Variants in RYR1 observed in about 807,000 individuals in gnomAD.
The protein encoded by RYR1 is central core disease of muscle.
Under a neutral mutation model 583.5 loss-of-function variants are expected in RYR1, and 342 were observed. That is an observed-to-expected ratio of 0.59 (90% confidence interval 0.54 to 0.64). The LOEUF (loss-of-function observed/expected upper bound fraction) is 0.64. RYR1 is among the 30% of genes least tolerant of loss of function. RYR1 has a pLI of 0.00. For missense variants in RYR1, 6,032 were observed against 6,917.2 expected, an observed-to-expected ratio of 0.87 and a Z score of 4.54; for synonymous variants, 2,791 against 2,822.5, an observed-to-expected ratio of 0.99 and a Z score of 0.35.
In RYR1 at chr19:38,452,818, G is replaced by T. The variant is rs1348895693; in HGVS notation, c.1245-1G>T. On this transcript the variant is annotated splice_acceptor_variant, in intron 12 of 105. Coordinates refer to ENST00000359596, the MANE Select transcript of RYR1 (RefSeq NM_000540.3). LOFTEE classifies it high-confidence loss of function. ...GGCTGACAGCTGCGAGGTCCCTGTA[G>T]GAGCCTGGACAGCTTCAGCGGGAAG... The T allele has an allele frequency of 6.3e-7, 1 of 1,586,926 alleles. No individual in the cohort carries two copies. The highest frequency in any genetic ancestry group is 8.6e-7 in the Non-Finnish European group (1 of 1,167,140).
Position 38,565,085 on chromosome 19 carries a change from T to C in RYR1, c.12751T>C (p.Ser4251Pro). The C allele has an allele frequency of 2.6e-6, 4 of 1,554,818 alleles. No homozygotes were observed. The highest frequency in any genetic ancestry group is 3.5e-6 in the Non-Finnish European group (4 of 1,152,196). ...CGAGATGCAGATCGCCGCGCAGATC[T>C]CGGAGCCCGAGGGCGAGCCGGAGAC... ...IFEMQIAAQISEPEGEPETDE... is the reference protein window; with the variant it reads ...IFEMQIAAQIPEPEGEPETDE... The change falls in exon 91 of 106, where the codon TCG becomes CCG. Residue 4251 changes from serine to proline, a missense_variant. This residue lies in a region of RYR1 where 753 missense variants were observed against 759.6 expected (regional missense o/e 0.99). Coordinates refer to ENST00000359596, the MANE Select transcript of RYR1 (RefSeq NM_000540.3). This position sits in a 1 kb window ranked among gnomAD's most constrained non-coding sequence, Gnocchi z 4.7.
Position 38,473,499 on chromosome 19 carries a change from C to T in RYR1, c.3888C>T (p.Phe1296=), listed in dbSNP as rs1968541455. ...LFLRLSLPVQ[F]HQHFRCTAGA... ...TGCGGCTGAGCCTCCCAGTCCAGTT[C>T]CACCAGCACTTCCGCTGCACTGCAG... Residue 1296 remains phenylalanine, a synonymous_variant, in exon 28 of 106, where the codon TTC becomes TTT. Coordinates refer to ENST00000359596, the MANE Select transcript of RYR1 (RefSeq NM_000540.3). 1 of 1,613,712 alleles carries T rather than the reference C, an allele frequency of 6.2e-7. No homozygotes were observed. The highest frequency in any genetic ancestry group is 8.5e-7 in the Non-Finnish European group (1 of 1,179,870).
chr19:38,570,061 G>A (rs1973642894), intron 93 of RYR1, among the ~76,000 whole-genome samples: 1 of 152,162 alleles, frequency 6.6e-6, no homozygotes, highest in Non-Finnish European at 1.5e-5. Context: ...CTACTTAGGA[G>A]GCTGAGTCAT....
At chr19:38,524,003 G>A (rs1361996075) in intron 70 of RYR1, 74 bp downstream of exon 70, 7 of 1,488,736 alleles carry the variant, frequency 4.7e-6, no homozygotes, top group East Asian at 2.4e-5. Context: ...GCACGCCCCC[G>A]CCTCGAGAAA....
chr19:38,515,565 G>T (rs1175628867), intron 64 of RYR1, among the ~76,000 whole-genome samples: 1 of 152,120 alleles, frequency 6.6e-6, no homozygotes, highest in Non-Finnish European at 1.5e-5. Context: ...AGGCTGAGGC[G>T]GGAAGATCAC....
At chr19:38,521,372 CA>C (rs752781607) in intron 67 of RYR1, among the ~76,000 whole-genome samples, 11 of 143,766 alleles carry the variant, frequency 7.7e-5, no homozygotes, top group East Asian at 2.0e-4. Context: ...GACCCTGTCT[CA>C]AAAAAAAAAG....
At chr19:38,523,508 T>C in intron 69 of RYR1, 199 bp downstream of exon 69, 3 of 636,482 alleles carry the variant, frequency 4.7e-6, no homozygotes, top group Non-Finnish European at 5.6e-6. Flanking sequence ...CCTCCTCCCA[T>C]CTCCCTCCTC....
At chr19:38,573,457 G>A (rs1418392230) in intron 96 of RYR1, 150 bp downstream of exon 96, 7 of 973,158 alleles carry the variant, frequency 7.2e-6, no homozygotes, top group Admixed American at 2.9e-5. Context: ...TAAGGCGGGC[G>A]GATCACGAGG....
At chr19:38,509,135 G>A (rs959280784) in intron 58 of RYR1, among the ~76,000 whole-genome samples, 4 of 151,760 alleles carry the variant, frequency 2.6e-5, no homozygotes, top group African/African-American at 7.3e-5. Flanking sequence ...TCGCTGTCAC[G>A]TCTCACCTCA....
rs141542477 is a variant in RYR1, at chr19:38,527,763, C to T, written c.10803C>T (p.Ala3601=). ...KIVRRVQEVS[A]VLYYLDQTEH... ...TGCGCAGAGTCCAGGAAGTGTCAGC[C>T]GTGCTCTACTACCTGGACCAGGTGG... The change falls in exon 73 of 106, where the codon GCC becomes GCT. Residue 3601 remains alanine, a synonymous_variant. Transcript: ENST00000359596. The T allele has an allele frequency of 9.8e-5, 158 of 1,613,734 alleles. No homozygotes were observed. Among genetic ancestry groups the T allele is most frequent in the Non-Finnish European group, 1.3e-4 (153 of 1,179,992 alleles).
intron 57 of RYR1, among the ~76,000 whole-genome samples, chr19:38,507,233 A>T: frequency 7.1e-6 from 1 of 140,436 alleles, no homozygotes; most frequent in Admixed American, 7.1e-5. Flanking sequence ...CAGAGAGTGG[A>T]GGAGACTGAG....
At chr19:38,579,500 C>A (rs1215964392) in intron 99 of RYR1, among the ~76,000 whole-genome samples, 1 of 151,000 alleles carries the variant, frequency 6.6e-6, no homozygotes, top group Admixed American at 6.6e-5. Flanking sequence ...GGCTTAGCCT[C>A]CTTCACTTGA....
At position 38,566,936 on chromosome 19, in the gene RYR1, C is replaced by T. The variant is rs150318524; in HGVS notation, c.13463C>T (p.Pro4488Leu). 33 of 1,606,176 alleles carry T rather than the reference C, an allele frequency of 2.1e-5. No individual in the cohort carries two copies. Among genetic ancestry groups the T allele is most frequent in the African/African-American group, 5.3e-5 (4 of 74,818 alleles). ...GTGGATGGAGTGGAGGAGGAGCTCC[C>T]GCCAGAGCCAGAGCCCGAGCCGGAA... is the stretch of plus-strand genomic sequence containing the variant. ...LGVDGVEEEL[P>L]PEPEPEPEPE... is the part of the protein sequence containing the mutation. The change falls in exon 92 of 106, where the codon CCG becomes CTG. Residue 4488 changes from proline (P) to leucine (L), a missense_variant. Coordinates refer to ENST00000359596, the MANE Select transcript of RYR1 (RefSeq NM_000540.3).
At chr19:38,534,694 C>T (rs1282995846) in intron 78 of RYR1, 26 bp from the exon 79 acceptor site, 2 of 1,603,700 alleles carry the variant, frequency 1.2e-6, no homozygotes, top group Admixed American at 1.7e-5. Flanking sequence ...CTGGACTTGC[C>T]TTCATGTGTC....
chr19:38,511,725 G>A (rs1168001839), intron 61 of RYR1, 115 bp downstream of exon 61: 4 of 1,277,908 alleles, frequency 3.1e-6, no homozygotes, highest in Admixed American at 1.7e-5. Context: ...TCTTCCCCTG[G>A]ACCTGGAGAC....
chr19:38,574,470 A>G (rs558137549), intron 96 of RYR1, among the ~76,000 whole-genome samples: 3 of 151,834 alleles, frequency 2.0e-5, no homozygotes, highest in South Asian at 2.1e-4. Flanking sequence ...AAAAAACTAA[A>G]AAGTTAGCCA....
At chr19:38,505,688 T>C in intron 53 of RYR1, 118 bp from the exon 54 acceptor site, 2 of 1,304,552 alleles carry the variant, frequency 1.5e-6, no homozygotes, top group Non-Finnish European at 2.2e-6. Flanking sequence ...GAGACTTGAG[T>C]TGGAATCCAG....
chr19:38,531,910 CA>C (rs564824072), intron 76 of RYR1, among the ~76,000 whole-genome samples: 13 of 151,846 alleles, frequency 8.6e-5, no homozygotes, highest in Non-Finnish European at 1.5e-4. Context: ...GTCTCAAGAA[CA>C]AAATAAACAA....
At chr19:38,541,847 T>G (rs1198239204) in intron 84 of RYR1, among the ~76,000 whole-genome samples, 1 of 150,730 alleles carries the variant, frequency 6.6e-6, no homozygotes, top group East Asian at 2.0e-4. Context: ...CTATGGGAGG[T>G]CAAGGTAGGA....
Sources: gnomAD v4.1 joint callset for allele counts (sites outside exome capture counted in the v4.1 genomes callset) on GRCh38, gnomAD v4.1.1 for gene constraint, gnomAD v4.1.1 regional missense constraint, Gnocchi (gnomAD v3.1) non-coding constraint, MANE v1.5 for transcripts, NCBI Gene and HGNC (gene_info 2026-07-23, HGNC 2026-07-21) for gene names.